Variants in LZTS1 observed in about 807,000 individuals in gnomAD.
LZTS1 encodes the protein leucine zipper tumor suppressor 1.
In LZTS1, 31 loss-of-function variants were observed where a neutral mutation model predicts 45.8. The observed-to-expected ratio is 0.68, with a 90% CI of 0.51 to 0.91. LZTS1 has a LOEUF of 0.91. LZTS1 is among the 40% of genes least tolerant of loss of function. The pLI is 0.00. For synonymous variants in LZTS1, 359 were observed against 357.3 expected, an observed-to-expected ratio of 1.00 and a Z score of -0.05; for missense variants, 821 against 788.9, an observed-to-expected ratio of 1.04 and a Z score of -0.49.
intron 1 of LZTS1, among the ~76,000 whole-genome samples, chr8:20,258,916 G>A (rs1360753218): frequency 6.6e-6 from 1 of 152,156 alleles, no homozygotes; most frequent in Non-Finnish European, 1.5e-5. Context: ...GGAGCACAGG[G>A]TGGCTCTGCT....
chr8:20,269,532 A>C (rs1363729745), intron 1 of LZTS1, among the ~76,000 whole-genome samples: 1 of 152,208 alleles, frequency 6.6e-6, no homozygotes, highest in Non-Finnish European at 1.5e-5. Flanking sequence ...GACATGAACC[A>C]ACAGGGCCTT....
chr8:20,264,940 G>A (rs1800317057), intron 1 of LZTS1, among the ~76,000 whole-genome samples: 2 of 152,182 alleles, frequency 1.3e-5, no homozygotes, highest in South Asian at 4.1e-4. Context: ...GGAAAGGGGG[G>A]ATGTGGGGTG....
intron 1 of LZTS1, among the ~76,000 whole-genome samples, chr8:20,266,990 C>A (rs1020733711): frequency 6.6e-6 from 1 of 151,914 alleles, no homozygotes; most frequent in Non-Finnish European, 1.5e-5. Context: ...CACCTGTAGT[C>A]CCAGCCACTC....
In LZTS1 at chr8:20,247,928, C is replaced by G. The variant is rs954027746; in HGVS notation, c.*1794G>C. 1.3e-5 allele frequency: 2 copies of G among 152,672 alleles called. No individual in the cohort carries two copies. Among genetic ancestry groups the G allele is most frequent in the African/African-American group, 4.8e-5 (2 of 41,452 alleles). 9.5% of individuals were successfully genotyped at this position (152,672 alleles called of 1,614,324 possible). On this transcript the variant is annotated 3_prime_UTR_variant, in exon 4 of 4. Transcript: ENST00000381569. ...AGGGATGCTGTCCTGAGAACAGCAG[C>G]TGTGGCTACAGTCAAAAATAGAACA...
In LZTS1 at chr8:20,260,928, C is replaced by T. The variant is rs368461467; in HGVS notation, c.-134-5613G>A. Reference sequence around the variant, plus strand: ...ATCCACTTGAAGCTAAGCTAATCACCTTTAAGTGTCTAGACTTGTTTCACT... The same window carrying T: ...ATCCACTTGAAGCTAAGCTAATCACTTTTAAGTGTCTAGACTTGTTTCACT... On this transcript the variant is annotated intron_variant, in intron 1 of 3. Transcript: ENST00000381569. Among the ~76,000 whole-genome samples, 11 of 152,284 alleles carry T rather than the reference C, an allele frequency of 7.2e-5. No homozygotes were observed. In the East Asian group the frequency reaches 1.4e-3, roughly 19 times the overall value.
intron 1 of LZTS1, among the ~76,000 whole-genome samples, chr8:20,279,681 C>CAGA (rs1800649626): frequency 1.4e-5 from 1 of 70,956 alleles, no homozygotes; most frequent in Admixed American, 1.9e-4. Context: ...GACCCTGTCT[C>CAGA]AAAAAAAAAA....
intron 1 of LZTS1, among the ~76,000 whole-genome samples, chr8:20,299,963 G>A (rs1207128690): frequency 1.3e-5 from 2 of 152,216 alleles, no homozygotes; most frequent in South Asian, 2.1e-4. Context: ...GAACCATGTG[G>A]CGGCTCAAAG....
intron 1 of LZTS1, among the ~76,000 whole-genome samples, chr8:20,261,115 G>A (rs935541071): frequency 6.6e-6 from 1 of 152,102 alleles, no homozygotes; most frequent in African/African-American, 2.4e-5. Flanking sequence ...CTACTGACTG[G>A]GAGCACGTAT....
At chr8:20,301,120 CAAAAAA>C (rs71222143) in intron 1 of LZTS1, among the ~76,000 whole-genome samples, 1,360 of 107,070 alleles carry the variant, frequency 0.013, 10 homozygotes, top group Non-Finnish European at 0.019. Flanking sequence ...GACTCCGTCT[CAAAAAA>C]AAAAAAAAAA....
intron 1 of LZTS1, among the ~76,000 whole-genome samples, chr8:20,266,017 C>T (rs999427831): frequency 6.6e-6 from 1 of 151,896 alleles, no homozygotes; most frequent in African/African-American, 2.4e-5. Context: ...ATAATAGATG[C>T]TCAACAATTT....
Position 20,250,268 on chromosome 8 carries a change from G to A in LZTS1, c.1245C>T (p.Leu415=). The change falls in exon 4 of 4, where the codon CTC becomes CTT. Residue 415 remains leucine, a synonymous_variant. Transcript: ENST00000381569. Reference sequence around the variant, plus strand: ...CCCGCGTGTCCTTCAGCTGTGCCTTGAGACCCAGGATCTCGCTAGCCTTGG... The same window carrying A: ...CCCGCGTGTCCTTCAGCTGTGCCTTAAGACCCAGGATCTCGCTAGCCTTGG... ...VNAKASEILG[L]KAQLKDTRGK... The A allele has an allele frequency of 2.5e-6, 4 of 1,613,848 alleles. No individual in the cohort carries two copies. Among genetic ancestry groups the A allele is most frequent in the Non-Finnish European group, 3.4e-6 (4 of 1,180,014 alleles).
intron 1 of LZTS1, among the ~76,000 whole-genome samples, chr8:20,273,782 T>A (rs921455516): frequency 6.0e-5 from 7 of 116,286 alleles, no homozygotes; most frequent in Non-Finnish European, 1.4e-4. Flanking sequence ...ATATTTGTTT[T>A]TTTTTTTCCT....
chr8:20,300,528 T>C (rs1349694725), intron 1 of LZTS1, among the ~76,000 whole-genome samples: 1 of 151,954 alleles, frequency 6.6e-6, no homozygotes, highest in African/African-American at 2.4e-5. Flanking sequence ...GAGACGGTGT[T>C]TCACCGTGTT....
chr8:20,250,178 C>T lies in LZTS1; in HGVS notation c.1335G>A (p.Leu445=), dbSNP rs964824888. Residue 445 remains leucine, a synonymous_variant, in exon 4 of 4, where the codon CTG becomes CTA. Coordinates refer to ENST00000381569, the MANE Select transcript of LZTS1 (RefSeq NM_021020.5). ...DLEGALRTKG[L]ELEVCENELQ... is the part of the protein sequence containing the mutation. The stretch of plus-strand genomic sequence containing the variant: ...GCTCATTCTCACAGACCTCCAGCTC[C>T]AGGCCCTTGGTGCGCAGGGCGCCCT... The T allele has an allele frequency of 3.1e-6, 5 of 1,611,288 alleles. No individual in the cohort carries two copies. In the Admixed American group the frequency reaches 6.7e-5, roughly 21 times the overall value.
At position 20,253,084 on chromosome 8, in the gene LZTS1, T is replaced by A; in HGVS notation, c.847A>T (p.Ser283Cys). The A allele has an allele frequency of 6.2e-7, 1 of 1,609,718 alleles. No individual in the cohort carries two copies. Among genetic ancestry groups the A allele is most frequent in the Non-Finnish European group, 8.5e-7 (1 of 1,178,686 alleles). ...GAGGCAAGCTCCTTCTCCTCAAAGC[T>A]GCGCTGCAGCTTCTGGAGGGCGCCC... Reference protein sequence around the residue: ...REGALQKLQRSFEEKELASSL... With the variant: ...REGALQKLQRCFEEKELASSL... Residue 283 changes from serine (S) to cysteine (C), a missense_variant, in exon 3 of 4, where the codon AGC becomes TGC. By Grantham distance (112) the Ser-to-Cys change is moderately radical. Transcript: ENST00000381569.
chr8:20,294,605 G>A (rs1800951356), intron 1 of LZTS1, among the ~76,000 whole-genome samples: 1 of 152,174 alleles, frequency 6.6e-6, no homozygotes, highest in Non-Finnish European at 1.5e-5. Context: ...GGCAAGGAGG[G>A]GGAGGCTGTC....
chr8:20,296,266 G>A (rs557964337), intron 1 of LZTS1, among the ~76,000 whole-genome samples: 2 of 152,280 alleles, frequency 1.3e-5, no homozygotes, highest in South Asian at 2.1e-4. Context: ...AGGTTATTCT[G>A]TGAGGTCAGA....
At chr8:20,278,597 T>G (rs1370779347) in intron 1 of LZTS1, among the ~76,000 whole-genome samples, 3 of 152,214 alleles carry the variant, frequency 2.0e-5, no homozygotes, top group African/African-American at 7.2e-5. Context: ...AAAACTTGCC[T>G]CAGTTTCTCA....
At chr8:20,267,627 T>C (rs1057089380) in intron 1 of LZTS1, among the ~76,000 whole-genome samples, 5 of 152,202 alleles carry the variant, frequency 3.3e-5, no homozygotes, top group African/African-American at 1.2e-4. Flanking sequence ...GTGACTCTTC[T>C]GCCTCAGCCT....
Sources: allele counts gnomAD v4.1 joint callset (sites outside exome capture counted in the v4.1 genomes callset), GRCh38; gene constraint gnomAD v4.1.1; transcripts MANE v1.5; gene names NCBI Gene and HGNC (gene_info 2026-07-23, HGNC 2026-07-21).